The following MMP16 variants were observed in gnomAD, a reference collection of about 807,000 sequenced individuals.
MMP16 encodes matrix metallopeptidase 16.
MMP16 carries 12 observed loss-of-function variants against 67.8 expected under a neutral mutation model. The ratio of observed to expected loss-of-function variants is 0.18; its 90% CI spans 0.11 to 0.29. MMP16 has a LOEUF of 0.29. MMP16 is among the 10% of genes least tolerant of loss of function. The pLI, the probability that MMP16 is intolerant of heterozygous loss-of-function variation, is 1.00. For missense variants in MMP16, 475 were observed against 765.7 expected, an observed-to-expected ratio of 0.62 and a Z score of 4.48; for synonymous variants, 249 against 255.9, an observed-to-expected ratio of 0.97 and a Z score of 0.26.
At chr8:88,068,349 A>G (rs1808490140) in intron 7 of MMP16, among the ~76,000 whole-genome samples, 1 of 152,084 alleles carries the variant, frequency 6.6e-6, no homozygotes, top group Non-Finnish European at 1.5e-5. Flanking sequence ...AATGTACTCT[A>G]ACTGAGGCTT....
rs114393186 is a variant in MMP16, at chr8:88,110,549, G to A, written c.1083+5958C>T. On this transcript the variant is annotated intron_variant, in intron 6 of 9. Coordinates refer to ENST00000286614, the MANE Select transcript of MMP16 (RefSeq NM_005941.5). ...TACAACATGCTATTAATATTATCAG[G>A]ACACTTCCTGGCAGTATGGAATTAA... is the stretch of plus-strand genomic sequence containing the variant. Among the ~76,000 whole-genome samples, 707 of 151,572 alleles carry A rather than the reference G, an allele frequency of 4.7e-3. 3 individuals carry two copies. The highest frequency in any genetic ancestry group is 0.016 in the African/African-American group (663 of 41,450).
chr8:88,046,657 C>T lies in MMP16; in HGVS notation c.1489+12G>A, dbSNP rs202016106. 6 of 1,508,498 alleles carry T rather than the reference C, an allele frequency of 4.0e-6. No individual in the cohort carries two copies. In the Admixed American group the frequency reaches 1.2e-4, roughly 30 times the overall value. 93.4% of individuals were successfully genotyped at this position (1,508,498 alleles called of 1,614,324 possible). On this transcript the variant is annotated intron_variant, in intron 9 of 9. Transcript: ENST00000286614. ...GCAAACTTATGAAATGTAGAAAGCA[C>T]ATGTTGCATACCATTTTCTTTGTGT...
rs767410219 is a variant in MMP16 at position 88,279,220 on chromosome 8, CAA to C, written c.132+47853_132+47854del. On this transcript the variant is annotated intron_variant, in intron 1 of 9. Transcript: ENST00000286614. ...CTGGTGACACAGCAAGACTCTGTCT[CAA>C]AAAAAAAAAAAAAGAAGCAATGCAT... Among the ~76,000 whole-genome samples the C allele has an allele frequency of 1.2e-3, 117 of 94,348 alleles. 1 individual carries two copies. Among genetic ancestry groups the C allele is most frequent in the African/African-American group, 3.8e-3 (95 of 25,298 alleles). 61.9% of individuals were successfully genotyped at this position (94,348 alleles called of 152,430 possible).
At chr8:88,057,973 A>G (rs542950416) in intron 7 of MMP16, among the ~76,000 whole-genome samples, 1 of 152,248 alleles carries the variant, frequency 6.6e-6, no homozygotes, top group Non-Finnish European at 1.5e-5. Context: ...GAAAACAAAA[A>G]ACAGAGGTTG....
intron 4 of MMP16, among the ~76,000 whole-genome samples, chr8:88,145,717 A>AC (rs1350683520): frequency 6.6e-6 from 1 of 152,042 alleles, no homozygotes; most frequent in Non-Finnish European, 1.5e-5. Flanking sequence ...AACAAATGGG[A>AC]TAAAAGCAAT....
intron 3 of MMP16, among the ~76,000 whole-genome samples, chr8:88,172,722 G>T (rs141803891): frequency 1.1e-3 from 172 of 152,132 alleles, no homozygotes; most frequent in African/African-American, 4.0e-3. Flanking sequence ...ACAGATGATA[G>T]ATTTCATTTT....
intron 1 of MMP16, among the ~76,000 whole-genome samples, chr8:88,225,416 T>A: frequency 6.6e-6 from 1 of 152,142 alleles, no homozygotes; most frequent in South Asian, 2.1e-4. Context: ...GACTTGAGGG[T>A]TATTTATTAT....
intron 1 of MMP16, among the ~76,000 whole-genome samples, chr8:88,294,475 T>C (rs919405103): frequency 6.6e-5 from 10 of 150,852 alleles, no homozygotes; most frequent in Admixed American, 3.3e-4. Context: ...TGTACACACA[T>C]ATGTATGTCT....
chr8:88,139,641 A>G (rs1808179027), intron 4 of MMP16, among the ~76,000 whole-genome samples: 1 of 152,172 alleles, frequency 6.6e-6, no homozygotes, highest in African/African-American at 2.4e-5. Context: ...GAGCAGAAGA[A>G]TCAAAGTTAA....
intron 9 of MMP16, 142 bp downstream of exon 9, chr8:88,046,525 GAA>G: frequency 2.5e-6 from 1 of 396,984 alleles, no homozygotes; most frequent in East Asian, 3.9e-5. Flanking sequence ...GTAAATCTAG[GAA>G]AAAAAGTTCA....
rs546400317 is a variant in MMP16, at chr8:88,179,334, C to A, written c.404+7142G>T. Among the ~76,000 whole-genome samples the A allele has an allele frequency of 3.3e-5, 5 of 151,906 alleles. No individual in the cohort carries two copies. The South Asian group carries it at 1.0e-3, about 32-fold the overall frequency. ...AAGGTTTAAATAATAAAACCACCAA[C>A]CTAGAAATCTGTATCCAGTGAAACC... On this transcript the variant is annotated intron_variant, in intron 3 of 9. Coordinates refer to ENST00000286614, the MANE Select transcript of MMP16 (RefSeq NM_005941.5).
intron 1 of MMP16, among the ~76,000 whole-genome samples, chr8:88,199,427 T>A (rs540553917): frequency 1.2e-4 from 19 of 152,162 alleles, no homozygotes; most frequent in African/African-American, 4.3e-4. Flanking sequence ...ATCATTATTT[T>A]TAAGTGTAAA....
intron 1 of MMP16, among the ~76,000 whole-genome samples, chr8:88,287,667 A>C (rs1810854204): frequency 6.6e-6 from 1 of 152,194 alleles, no homozygotes. Context: ...TAGGGGCCTA[A>C]ATATTTGTTG....
intron 1 of MMP16, among the ~76,000 whole-genome samples, chr8:88,271,173 A>T (rs1369211495): frequency 2.6e-5 from 4 of 152,220 alleles, no homozygotes; most frequent in African/African-American, 9.6e-5. Context: ...AGATAGAAAA[A>T]GAAGTGATTG....
At chr8:88,178,707 T>G (rs1028784447) in intron 3 of MMP16, among the ~76,000 whole-genome samples, 3 of 152,200 alleles carry the variant, frequency 2.0e-5, no homozygotes, top group Non-Finnish European at 4.4e-5. Flanking sequence ...TATTTTCTAT[T>G]TTTACCTAAT....
intron 2 of MMP16, among the ~76,000 whole-genome samples, chr8:88,195,801 G>C (rs546032456): frequency 6.6e-4 from 100 of 152,110 alleles, no homozygotes; most frequent in African/African-American, 2.3e-3. Flanking sequence ...TAATATTTAT[G>C]CATCTCTCAA....
chr8:88,184,746 CAAAAAAAAAAAAA>C (rs61606557), intron 3 of MMP16, among the ~76,000 whole-genome samples: 7 of 47,482 alleles, frequency 1.5e-4, no homozygotes, highest in East Asian at 5.8e-4. Flanking sequence ...GGCCCTGTCT[CAAAAAAAAAAAAA>C]AAAAAAAAAA....
At chr8:88,077,074 T>C (rs1808663557) in intron 6 of MMP16, among the ~76,000 whole-genome samples, 1 of 152,204 alleles carries the variant, frequency 6.6e-6, no homozygotes, top group Non-Finnish European at 1.5e-5. Context: ...TGTCTCGAGA[T>C]AAGCATAGTC....
At position 88,084,334 on chromosome 8, in the gene MMP16, T is replaced by C. The variant is rs28991873; in HGVS notation, c.1084-9591A>G. 5.4e-3 allele frequency among the ~76,000 whole-genome samples: 828 copies of C among 152,048 alleles called. 5 individuals are homozygous for C. The highest frequency in any genetic ancestry group is 9.3e-3 in the Non-Finnish European group (628 of 67,890). On this transcript the variant is annotated intron_variant, in intron 6 of 9. Transcript: ENST00000286614. ...CAAGTTTTTGTTAGGCCAAATCTAA[T>C]TGGGCCTTCAGACTTAACTTCTTCA...
Sources: gnomAD v4.1 joint callset for allele counts (sites outside exome capture counted in the v4.1 genomes callset) on GRCh38, gnomAD v4.1.1 for gene constraint, MANE v1.5 for transcripts, NCBI Gene and HGNC (gene_info 2026-07-23, HGNC 2026-07-21) for gene names.